Variants in FAM3D observed in about 807,000 individuals in gnomAD.
FAM3D encodes the protein FAM3 metabolism regulating signaling molecule D.
FAM3D carries 26 observed loss-of-function variants against 29.8 expected under a neutral mutation model. The ratio of observed to expected loss-of-function variants is 0.87; its 90% CI spans 0.64 to 1.21. The LOEUF is 1.21. FAM3D is among the 50% of genes most tolerant of loss of function. The pLI is 0.00. For missense variants in FAM3D, 253 were observed against 290.9 expected (o/e 0.87, Z 0.95); for synonymous variants, 115 against 102.3 (o/e 1.12, Z -0.75).
intron 5 of FAM3D, among the ~76,000 whole-genome samples, chr3:58,644,324 A>G (rs2066418432): frequency 6.6e-6 from 1 of 152,182 alleles, no homozygotes; most frequent in South Asian, 2.1e-4. Context: ...AGTGGGAGGT[A>G]ATTGAATCAT....
intron 8 of FAM3D, among the ~76,000 whole-genome samples, chr3:58,636,877 C>T (rs2066185560): frequency 6.6e-6 from 1 of 152,084 alleles, no homozygotes; most frequent in Non-Finnish European, 1.5e-5. Context: ...GTGTATATAT[C>T]ATATCCTATG....
rs548712480 is a variant in FAM3D, at chr3:58,638,008, C to T, written c.374-783G>A. Among the ~76,000 whole-genome samples the T allele has an allele frequency of 9.3e-4, 141 of 152,300 alleles. 4 individuals are homozygous for T. In the Middle Eastern group the frequency reaches 0.01, roughly 11 times the overall value. ...CAAGCGATTCTCCTGCCTCAGCCTT[C>T]CAAGTAGCTGGAATTACAGGCATGC... On this transcript the variant is annotated intron_variant, in intron 7 of 9. Coordinates refer to ENST00000358781, the MANE Select transcript of FAM3D (RefSeq NM_138805.3).
chr3:58,664,466 C>T (rs1459266233), intron 1 of FAM3D, among the ~76,000 whole-genome samples: 1 of 152,240 alleles, frequency 6.6e-6, no homozygotes, highest in Non-Finnish European at 1.5e-5. Context: ...ATAGAAGGTG[C>T]ACAGCTTGGA....
At chr3:58,650,592 G>A (rs1463223251) in intron 3 of FAM3D, among the ~76,000 whole-genome samples, 8 of 152,098 alleles carry the variant, frequency 5.3e-5, no homozygotes, top group Non-Finnish European at 1.5e-5. Flanking sequence ...CCAGCTCTGG[G>A]GACTTCATGG....
Position 58,653,803 on chromosome 3 carries a change from C to T in FAM3D, c.14-22G>A, listed in dbSNP as rs1298805991. The T allele has an allele frequency of 2.5e-6, 4 of 1,593,666 alleles. No individual in the cohort carries two copies. In the South Asian group the frequency reaches 4.4e-5, roughly 18 times the overall value. ...ACACCTGCTGAGCAAGGGGATGCTG[C>T]CAGGAGACCACAGAGCCAAGACCAC... is the stretch of plus-strand genomic sequence containing the variant. On this transcript the variant is annotated intron_variant, in intron 2 of 9. Transcript: ENST00000358781.
At chr3:58,655,423 C>T in intron 2 of FAM3D, 128 bp downstream of exon 2, 1 of 1,257,576 alleles carries the variant, frequency 8.0e-7, no homozygotes, top group Non-Finnish European at 1.1e-6. Context: ...CCAGCCTCCC[C>T]TGGATTGCTT....
rs761069175 is a variant in FAM3D, at chr3:58,637,202, G to A, written c.397C>T (p.Leu133Phe). ...AGTGCACCCCCCGGAATTTCTTTAA[G>A]GAATTTCACTAGGTGCATAACATCT... ...SGDVMHLVKF[L>F]KEIPGGALVL... Residue 133 changes from leucine to phenylalanine, a missense_variant, in exon 8 of 10, where the codon CTT becomes TTT. Transcript: ENST00000358781. The A allele has an allele frequency of 2.5e-6, 4 of 1,613,766 alleles. No individual in the cohort carries two copies. In the East Asian group the frequency reaches 8.9e-5, roughly 36 times the overall value.
At chr3:58,649,219 A>G (rs2066559439) in intron 4 of FAM3D, 96 bp downstream of exon 4, 38 of 1,462,076 alleles carry the variant, frequency 2.6e-5, no homozygotes, top group Non-Finnish European at 3.5e-5. Context: ...TGCAGGGCTC[A>G]GAGCAGGGGC....
intron 1 of FAM3D, among the ~76,000 whole-genome samples, chr3:58,656,482 C>A (rs1189450222): frequency 6.6e-6 from 1 of 152,044 alleles, no homozygotes; most frequent in East Asian, 1.9e-4. Context: ...CAGTTCTGAG[C>A]AGGGCAGGGT....
At chr3:58,663,485 G>C (rs11130667) in intron 1 of FAM3D, among the ~76,000 whole-genome samples, 121,610 of 152,090 alleles carry the variant, frequency 0.8, 49,964 homozygotes, top group Non-Finnish European at 0.9. Flanking sequence ...GGGCTGGTTT[G>C]AGCTGGTTTC....
Position 58,634,422 on chromosome 3 carries a change from T to C in FAM3D, c.586-54A>G. The stretch of plus-strand genomic sequence containing the variant: ...GGCAGTGAGTGAGGCTGTTCAGAAC[T>C]CATGCCCACATGGACACTGTGCTCT... On this transcript the variant is annotated intron_variant, in intron 9 of 9. Transcript: ENST00000358781. This position sits in a 1 kb window ranked among gnomAD's most constrained non-coding sequence, Gnocchi z 4.6. The C allele has an allele frequency of 2.0e-6, 3 of 1,510,670 alleles. No homozygotes were observed. The highest frequency in any genetic ancestry group is 2.7e-6 in the Non-Finnish European group (3 of 1,092,494). The allele number at this position is 1,510,670 out of a possible 1,614,324, so 93.6% of individuals were successfully genotyped here. A position where few individuals can be genotyped will look rare whatever the true frequency, so the allele number is the denominator to read the frequency against.
chr3:58,663,933 T>A (rs563019722), intron 1 of FAM3D, among the ~76,000 whole-genome samples: 3 of 152,328 alleles, frequency 2.0e-5, no homozygotes, highest in Admixed American at 6.5e-5. Flanking sequence ...AGGAATTCCA[T>A]ACTTTGTGGA....
Position 58,634,191 on chromosome 3 carries a change from T to A in FAM3D, c.*88A>T. ...GCACCTTCCACGCAGCACCCCCTGC[T>A]CCTCCTCCTCAGCCCCTGCCGGGCT... On this transcript the variant is annotated 3_prime_UTR_variant, in exon 10 of 10. Coordinates refer to ENST00000358781, the MANE Select transcript of FAM3D (RefSeq NM_138805.3). This position sits in a 1 kb window ranked among gnomAD's most constrained non-coding sequence, Gnocchi z 4.6. 1 of 1,217,442 alleles carries A rather than the reference T, an allele frequency of 8.2e-7. No homozygotes were observed. Among genetic ancestry groups the A allele is most frequent in the Non-Finnish European group, 1.2e-6 (1 of 852,692 alleles). The allele number at this position is 1,217,442 out of a possible 1,614,324, so 75.4% of individuals were successfully genotyped here. A position where few individuals can be genotyped will look rare whatever the true frequency, so the allele number is the denominator to read the frequency against.
At position 58,638,033 on chromosome 3, in the gene FAM3D, C is replaced by A. The variant is rs928808190; in HGVS notation, c.374-808G>T. Among the ~76,000 whole-genome samples the A allele has an allele frequency of 4.6e-5, 7 of 152,284 alleles. No homozygotes were observed. The East Asian group carries it at 1.4e-3, about 29-fold the overall frequency. Reference sequence around the variant, plus strand: ...CCAAGTAGCTGGAATTACAGGCATGCGCCGCCATGCCTGGCTAATTTTGTG... The same window carrying A: ...CCAAGTAGCTGGAATTACAGGCATGAGCCGCCATGCCTGGCTAATTTTGTG... On this transcript the variant is annotated intron_variant, in intron 7 of 9. Coordinates refer to ENST00000358781, the MANE Select transcript of FAM3D (RefSeq NM_138805.3).
At chr3:58,637,822 C>G (rs946194800) in intron 7 of FAM3D, among the ~76,000 whole-genome samples, 5 of 152,076 alleles carry the variant, frequency 3.3e-5, no homozygotes, top group African/African-American at 4.8e-5. Context: ...GGTTTAGCAC[C>G]TGGGGGAGGC....
At chr3:58,652,523 CCCAT>C (rs1287332806) in intron 3 of FAM3D, among the ~76,000 whole-genome samples, 1 of 151,420 alleles carries the variant, frequency 6.6e-6, no homozygotes, top group Non-Finnish European at 1.5e-5. Flanking sequence ...TACCCATCCA[CCCAT>C]CCATCTACTC....
At chr3:58,645,748 G>T (rs372504404) in intron 4 of FAM3D, 122 bp from the exon 5 acceptor site, 4 of 839,258 alleles carry the variant, frequency 4.8e-6, no homozygotes, top group Non-Finnish European at 7.9e-6. Flanking sequence ...GCCTCTTTCT[G>T]GGGGAGCCTT....
chr3:58,640,784 G>A (rs1175520217), intron 6 of FAM3D, among the ~76,000 whole-genome samples: 1 of 152,244 alleles, frequency 6.6e-6, no homozygotes, highest in Non-Finnish European at 1.5e-5. Flanking sequence ...GAACGTTACA[G>A]TTCGCGCTCT....
intron 7 of FAM3D, among the ~76,000 whole-genome samples, chr3:58,638,071 T>C (rs1485980371): frequency 3.3e-5 from 5 of 152,098 alleles, no homozygotes; most frequent in Non-Finnish European, 7.3e-5. Context: ...TTTAGTAGAA[T>C]TGGAGTTTCT....
Sources: allele counts gnomAD v4.1 joint callset (sites outside exome capture counted in the v4.1 genomes callset), GRCh38; gene constraint gnomAD v4.1.1; non-coding constraint Gnocchi (gnomAD v3.1); transcripts MANE v1.5; gene names NCBI Gene and HGNC (gene_info 2026-07-23, HGNC 2026-07-21).